Variants in SPTLC3 observed in about 807,000 individuals in gnomAD.
The protein encoded by SPTLC3 is serine palmitoyltransferase long chain base subunit 3, also known as serine palmitoyltransferase 3.
In SPTLC3, 36 loss-of-function variants were observed where a neutral mutation model predicts 59.3. The ratio of observed to expected loss-of-function variants is 0.61; its 90% CI spans 0.47 to 0.80. The LOEUF is 0.80. SPTLC3 is among the 30% of genes least tolerant of loss of function. SPTLC3 has a pLI of 0.00. For synonymous variants in SPTLC3, 257 were observed against 240.8 expected (o/e 1.07, Z -0.62); for missense variants, 625 against 685.1 (o/e 0.91, Z 0.98).
intron 9 of SPTLC3, among the ~76,000 whole-genome samples, chr20:13,132,352 T>C (rs1303824353): frequency 6.6e-6 from 1 of 151,856 alleles, no homozygotes; most frequent in East Asian, 1.9e-4. Context: ...AATTTTTGTA[T>C]TTTTAGTAGA....
chr20:13,097,475 A>G (rs1422959929), intron 6 of SPTLC3, among the ~76,000 whole-genome samples: 1 of 152,120 alleles, frequency 6.6e-6, no homozygotes, highest in Non-Finnish European at 1.5e-5. Flanking sequence ...AGCTTTGAAC[A>G]GCACTGGATG....
chr20:13,157,287 A>AG, intron 10 of SPTLC3, among the ~76,000 whole-genome samples: 1 of 151,086 alleles, frequency 6.6e-6, no homozygotes, highest in Admixed American at 6.6e-5. Context: ...AAAAAAAAAA[A>AG]TTAGCTGGGC....
At chr20:13,078,123 T>C (rs1424653206) in intron 4 of SPTLC3, among the ~76,000 whole-genome samples, 1 of 148,178 alleles carries the variant, frequency 6.7e-6, no homozygotes, top group South Asian at 2.1e-4. Flanking sequence ...ATAATATTAT[T>C]ACTTATAAAA....
At chr20:13,033,743 C>G (rs1395468500) in intron 1 of SPTLC3, among the ~76,000 whole-genome samples, 1 of 151,982 alleles carries the variant, frequency 6.6e-6, no homozygotes, top group Non-Finnish European at 1.5e-5. Context: ...CATTAATGAA[C>G]AGAAAATATT....
intron 2 of SPTLC3, among the ~76,000 whole-genome samples, chr20:13,061,645 T>C (rs1048135922): frequency 5.9e-5 from 9 of 152,214 alleles, no homozygotes; most frequent in Admixed American, 5.9e-4. Context: ...GAGTCAGCTT[T>C]GACTCAGCTC....
intron 1 of SPTLC3, among the ~76,000 whole-genome samples, chr20:13,039,613 G>T (rs775632487): frequency 5.9e-5 from 9 of 151,986 alleles, no homozygotes; most frequent in African/African-American, 1.2e-4. Context: ...CACATCTTCT[G>T]TTATAACTGA....
At chr20:13,040,033 G>A (rs1313921535) in intron 1 of SPTLC3, among the ~76,000 whole-genome samples, 1 of 137,570 alleles carries the variant, frequency 7.3e-6, no homozygotes, top group Non-Finnish European at 1.6e-5. Context: ...AAATATATAG[G>A]TGTATGCATG....
At chr20:13,099,073 G>C (rs1162151693) in intron 6 of SPTLC3, among the ~76,000 whole-genome samples, 1 of 152,256 alleles carries the variant, frequency 6.6e-6, no homozygotes, top group South Asian at 2.1e-4. Flanking sequence ...CCTGGCAAAG[G>C]GAATTCAGGT....
chr20:13,163,410 C>T (rs1340542281), intron 11 of SPTLC3, among the ~76,000 whole-genome samples: 22 of 151,066 alleles, frequency 1.5e-4, no homozygotes, highest in Admixed American at 1.4e-3. Flanking sequence ...TAATGTTTTC[C>T]TCCTGCATCC....
Position 13,031,908 on chromosome 20 carries a change from C to T in SPTLC3, c.118-17037C>T, listed in dbSNP as rs530965821. ...GGATCAACTTAGTCCTGTCTTTTCC[C>T]GCTTCATAACCTTAGGCAAGTTGCT... On this transcript the variant is annotated intron_variant, in intron 1 of 11. Transcript: ENST00000399002. Among the ~76,000 whole-genome samples the T allele has an allele frequency of 3.3e-5, 5 of 152,274 alleles. No homozygotes were observed. In the East Asian group the frequency reaches 7.7e-4, roughly 24 times the overall value.
intron 3 of SPTLC3, 75 bp downstream of exon 3, chr20:13,072,485 C>A: frequency 1.4e-6 from 2 of 1,413,310 alleles, no homozygotes; most frequent in Non-Finnish European, 1.9e-6. Flanking sequence ...CACTAGATGA[C>A]AAATCCAAAA....
At chr20:13,062,936 A>G (rs1988029987) in intron 2 of SPTLC3, among the ~76,000 whole-genome samples, 1 of 152,202 alleles carries the variant, frequency 6.6e-6, no homozygotes, top group Admixed American at 6.5e-5. Context: ...ATTCTAGGAT[A>G]ATTCCTGGAA....
intron 6 of SPTLC3, among the ~76,000 whole-genome samples, chr20:13,095,229 T>A (rs1345057956): frequency 6.6e-6 from 1 of 152,210 alleles, no homozygotes; most frequent in African/African-American, 2.4e-5. Context: ...AGCTAGGCAG[T>A]CATTCAACTG....
In SPTLC3 at chr20:13,093,499, A is replaced by C; in HGVS notation, c.748A>C (p.Ser250Arg). The change falls in exon 6 of 12, where the codon AGT becomes CGT. Residue 250 changes from serine to arginine, a missense_variant. Coordinates refer to ENST00000399002, the MANE Select transcript of SPTLC3 (RefSeq NM_018327.4). ...TTCTGCACAGGGATGCCTCATTTTA[A>C]GTGATGAGTTAAACCACACATCGCT... ...ALVGKGCLIL[S>R]DELNHTSLVL... 1.9e-6 allele frequency: 3 copies of C among 1,613,486 alleles called. No individual in the cohort carries two copies. Among genetic ancestry groups the C allele is most frequent in the Non-Finnish European group, 2.5e-6 (3 of 1,179,516 alleles).
intron 4 of SPTLC3, among the ~76,000 whole-genome samples, chr20:13,080,452 G>A (rs932053169): frequency 1.4e-5 from 2 of 141,852 alleles, no homozygotes; most frequent in African/African-American, 5.3e-5. Context: ...AGGTTGCAGT[G>A]AGCCGAGATT....
At chr20:13,148,503 G>A (rs551125122) in intron 9 of SPTLC3, among the ~76,000 whole-genome samples, 10 of 152,270 alleles carry the variant, frequency 6.6e-5, no homozygotes, top group African/African-American at 1.9e-4. Flanking sequence ...TCACCCCCAC[G>A]AAAAGGTATC....
chr20:13,049,293 GC>G, intron 2 of SPTLC3, 163 bp downstream of exon 2: 1 of 749,034 alleles, frequency 1.3e-6, no homozygotes, highest in Non-Finnish European at 2.3e-6. Flanking sequence ...TTACCCATGG[GC>G]TTATGGACCT....
intron 9 of SPTLC3, among the ~76,000 whole-genome samples, chr20:13,147,752 G>A (rs6134801): frequency 6.6e-6 from 1 of 152,166 alleles, no homozygotes; most frequent in African/African-American, 2.4e-5. Context: ...ATGCTGCCTA[G>A]GAGCATGTAT....
intron 6 of SPTLC3, among the ~76,000 whole-genome samples, chr20:13,100,957 CCAGGAAGCACCAGTAGGTGAGCAGGGCA>C (rs71188140): frequency 0.015 from 1,194 of 77,868 alleles, 12 homozygotes; most frequent in African/African-American, 0.031. Context: ...GAAAGTGATG[CCAGGAAGCACCAGTAGGTGAGCAGGGCA>C]CAGGAAGCAC....
Sources: allele counts gnomAD v4.1 joint callset (sites outside exome capture counted in the v4.1 genomes callset), GRCh38; gene constraint gnomAD v4.1.1; transcripts MANE v1.5; gene names NCBI Gene and HGNC (gene_info 2026-07-23, HGNC 2026-07-21).